MECOM: variants seen among roughly 807,000 people sequenced by gnomAD.
MECOM encodes MDS1 and EVI1 complex locus, also known as histone-lysine N-methyltransferase MECOM.
Under a neutral mutation model 116.3 loss-of-function variants are expected in MECOM, and 13 were observed. The observed-to-expected ratio is 0.11, with a 90% CI of 0.07 to 0.18. MECOM has a LOEUF of 0.18. MECOM is among the 10% of genes least tolerant of loss of function. The pLI is 1.00. For synonymous variants in MECOM, 528 were observed against 535.2 expected (o/e 0.99, Z 0.19); for missense variants, 1,299 against 1,509.0 (o/e 0.86, Z 2.31).
intron 1 of MECOM, among the ~76,000 whole-genome samples, chr3:169,538,117 G>A (rs1759608905): frequency 6.6e-6 from 1 of 152,182 alleles, no homozygotes; most frequent in South Asian, 2.1e-4. Flanking sequence ...TGCAGCCAGT[G>A]CTGGAAGCCA....
intron 2 of MECOM, among the ~76,000 whole-genome samples, chr3:169,354,769 T>A (rs1726961148): frequency 6.6e-6 from 1 of 151,538 alleles, no homozygotes; most frequent in African/African-American, 2.4e-5. Context: ...TGCATGGGCA[T>A]ATGTTTGTTC....
intron 4 of MECOM, 87 bp downstream of exon 4, chr3:169,131,342 C>A (rs1279155821): frequency 7.7e-6 from 9 of 1,161,844 alleles, no homozygotes; most frequent in Non-Finnish European, 1.3e-6. Flanking sequence ...GGGAAACTAA[C>A]AAACACCAGG....
chr3:169,341,670 G>A (rs1724553095), intron 2 of MECOM, among the ~76,000 whole-genome samples: 1 of 150,962 alleles, frequency 6.6e-6, no homozygotes, highest in African/African-American at 2.4e-5. Context: ...AACCTGGGAG[G>A]CGGAGGTTGC....
intron 2 of MECOM, among the ~76,000 whole-genome samples, chr3:169,339,418 AC>A (rs1204208222): frequency 6.6e-6 from 1 of 152,224 alleles, no homozygotes; most frequent in African/African-American, 2.4e-5. Flanking sequence ...CCACTGCTCT[AC>A]ACCAATGAGA....
intron 1 of MECOM, among the ~76,000 whole-genome samples, chr3:169,640,924 A>C (rs555882579): frequency 6.6e-6 from 1 of 152,294 alleles, no homozygotes; most frequent in East Asian, 1.9e-4. Flanking sequence ...AAGAAATCAG[A>C]TATTCTGGGG....
At chr3:169,191,693 GA>G (rs1361736309) in intron 2 of MECOM, among the ~76,000 whole-genome samples, 10 of 115,568 alleles carry the variant, frequency 8.7e-5, no homozygotes, top group African/African-American at 3.0e-4. Context: ...GAAAGAAAAA[GA>G]GATAGAAAAG....
chr3:169,194,872 A>G (rs1284482123), intron 2 of MECOM, among the ~76,000 whole-genome samples: 1 of 152,052 alleles, frequency 6.6e-6, no homozygotes, highest in East Asian at 1.9e-4. Context: ...TCTGCGTGCA[A>G]ATATTGTGCT....
intron 2 of MECOM, among the ~76,000 whole-genome samples, chr3:169,149,072 G>A (rs1740657969): frequency 7.0e-6 from 1 of 143,462 alleles, no homozygotes; most frequent in East Asian, 2.0e-4. Flanking sequence ...CATTGTCGGA[G>A]CTTTCTTTTT....
At chr3:169,356,774 C>T (rs559195815) in intron 2 of MECOM, among the ~76,000 whole-genome samples, 1 of 151,876 alleles carries the variant, frequency 6.6e-6, no homozygotes, top group Non-Finnish European at 1.5e-5. Context: ...TCTCTTAAGA[C>T]ATTATAAAAC....
chr3:169,571,683 T>C (rs1301075421), intron 1 of MECOM, among the ~76,000 whole-genome samples: 1 of 151,966 alleles, frequency 6.6e-6, no homozygotes, highest in Non-Finnish European at 1.5e-5. Flanking sequence ...TCAGAAATAA[T>C]ACCACACATC....
At chr3:169,402,090 G>A (rs1735997019) in intron 1 of MECOM, among the ~76,000 whole-genome samples, 1 of 152,196 alleles carries the variant, frequency 6.6e-6, no homozygotes, top group Non-Finnish European at 1.5e-5. Flanking sequence ...TGTGATGCTG[G>A]AGGATGAAGA....
rs759485296 is a variant in MECOM at position 169,084,994 on chromosome 3, G to A, written c.3635C>T (p.Thr1212Ile). The A allele has an allele frequency of 6.2e-7, 1 of 1,614,152 alleles. No homozygotes were observed. The highest frequency in any genetic ancestry group is 1.1e-5 in the South Asian group (1 of 91,080). ...CCACACGTTGGAAGAACTGTGGGAT[G>A]TAGAATGGAGGGACTCCTTGTCAGA... is the stretch of plus-strand genomic sequence containing the variant. The part of the protein sequence containing the change: ...SLSDKESLHS[T>I]SHSSSNVWHS... The change falls in exon 17 of 17, where the codon ACA becomes ATA. Residue 1212 changes from threonine (T) to isoleucine (I), a missense_variant. Thr to Ile is a moderately conservative substitution (Grantham distance 89). Around this residue, in one of 6 missense-constraint regions of MECOM, gnomAD observed 273 missense variants for 289.3 expected, o/e 0.94. Transcript: ENST00000651503.
chr3:169,609,419 T>G (rs931331404), intron 1 of MECOM, among the ~76,000 whole-genome samples: 15 of 152,070 alleles, frequency 9.9e-5, no homozygotes, highest in Non-Finnish European at 2.9e-5. Context: ...ACAAACATAA[T>G]TAAATCTGAA....
rs150313129 is a variant in MECOM, at chr3:169,600,627, T to C, written c.37+62709A>G. 1.9e-3 allele frequency among the ~76,000 whole-genome samples: 287 copies of C among 152,342 alleles called. 4 individuals are homozygous for C. Among genetic ancestry groups the C allele is most frequent in the Middle Eastern group, 0.017 (5 of 294 alleles). On this transcript the variant is annotated intron_variant, in intron 1 of 16. Coordinates refer to ENST00000651503, the MANE Select transcript of MECOM (RefSeq NM_004991.4). ...TCAGGCCCACTCCAGGAAACTCGGC[T>C]GGTGTTTCCATTATAAACCGCATTT...
intron 2 of MECOM, among the ~76,000 whole-genome samples, chr3:169,173,164 C>A (rs942295017): frequency 2.0e-5 from 3 of 151,878 alleles, no homozygotes; most frequent in African/African-American, 7.3e-5. Context: ...TACTAACAAC[C>A]ACTTCCTCCT....
At chr3:169,397,394 G>A (rs764221928) in intron 1 of MECOM, among the ~76,000 whole-genome samples, 2 of 152,204 alleles carry the variant, frequency 1.3e-5, no homozygotes, top group Non-Finnish European at 2.9e-5. Context: ...GATAGACGAT[G>A]AAAACCTATT....
chr3:169,586,986 T>C (rs1765852117), intron 1 of MECOM, among the ~76,000 whole-genome samples: 1 of 152,228 alleles, frequency 6.6e-6, no homozygotes, highest in Non-Finnish European at 1.5e-5. Flanking sequence ...CAGTTCCTGT[T>C]CTAAGCACCT....
intron 1 of MECOM, among the ~76,000 whole-genome samples, chr3:169,393,644 T>C (rs1399786740): frequency 6.6e-6 from 1 of 152,188 alleles, no homozygotes; most frequent in Non-Finnish European, 1.5e-5. Context: ...ATCCAGGTGT[T>C]ATTCACTAGA....
intron 1 of MECOM, among the ~76,000 whole-genome samples, chr3:169,413,945 C>T (rs975889352): frequency 2.0e-5 from 3 of 152,248 alleles, no homozygotes; most frequent in South Asian, 2.1e-4. Flanking sequence ...GGGGAAGGGG[C>T]GACTGTAAGT....
Sources: allele counts gnomAD v4.1 joint callset (sites outside exome capture counted in the v4.1 genomes callset), GRCh38; gene constraint gnomAD v4.1.1; regional missense constraint gnomAD v4.1.1; transcripts MANE v1.5; gene names NCBI Gene and HGNC (gene_info 2026-07-23, HGNC 2026-07-21).